The following MAP3K14 variants were observed in gnomAD, a reference collection of about 807,000 sequenced individuals.
The protein encoded by MAP3K14 is mitogen-activated protein kinase kinase kinase 14.
MAP3K14 carries 16 observed loss-of-function variants against 99.2 expected under a neutral mutation model. That is an observed-to-expected ratio of 0.16 (90% CI 0.11 to 0.24). MAP3K14 has a LOEUF of 0.24. MAP3K14 is among the 10% of genes least tolerant of loss of function. The pLI is 1.00. For missense variants in MAP3K14, 784 were observed against 1,208.7 expected, an observed-to-expected ratio of 0.65 and a Z score of 5.21; for synonymous variants, 462 against 492.4, an observed-to-expected ratio of 0.94 and a Z score of 0.82.
rs758188422 is a variant in MAP3K14 at position 45,267,506 on chromosome 17, G to C, written c.2226C>G (p.Pro742=). 6.2e-7 allele frequency: 1 copy of C among 1,612,968 alleles called. No individual in the cohort carries two copies. The highest frequency in any genetic ancestry group is 8.5e-7 in the Non-Finnish European group (1 of 1,179,420). Residue 742 remains proline (P), a synonymous_variant, in exon 12 of 16, where the codon CCC becomes CCG. Transcript: ENST00000344686. The surrounding 1 kb of genome is among the most constrained non-coding windows in gnomAD (Gnocchi z 5.1). ...LSKEESGMWE[P]LPLSSLEPAP... The stretch of plus-strand genomic sequence containing the variant: ...CTGGCTCCAGGGAGGACAGAGGTAA[G>C]GGTTCCCACATCCCAGACTCCTCCT...
At chr17:45,294,840 G>A (rs1360243002) in intron 1 of MAP3K14, among the ~76,000 whole-genome samples, 1 of 152,152 alleles carries the variant, frequency 6.6e-6, no homozygotes, top group African/African-American at 2.4e-5. Flanking sequence ...AGCAACATGT[G>A]GCTATTTACA....
rs1240265934 is a variant in MAP3K14, at chr17:45,267,049, C to T, written c.2433+43G>A. Reference sequence around the variant, plus strand: ...TTGCTCTGTGCCAGGGCCGGGAAAACCACACCCCTGGAGCCATGGCTCCGG... The same window carrying T: ...TTGCTCTGTGCCAGGGCCGGGAAAATCACACCCCTGGAGCCATGGCTCCGG... On this transcript the variant is annotated intron_variant, in intron 13 of 15. Coordinates refer to ENST00000344686, the MANE Select transcript of MAP3K14 (RefSeq NM_003954.5). This position sits in a 1 kb window ranked among gnomAD's most constrained non-coding sequence, Gnocchi z 5.1. 2 of 1,434,634 alleles carry T rather than the reference C, an allele frequency of 1.4e-6. No homozygotes were observed. The highest frequency in any genetic ancestry group is 1.9e-6 in the Non-Finnish European group (2 of 1,040,842). The allele number at this position is 1,434,634 out of a possible 1,614,324, so 88.9% of individuals were successfully genotyped here. A position where few individuals can be genotyped will look rare whatever the true frequency, so the allele number is the denominator to read the frequency against.
chr17:45,304,034 A>C (rs2044412543), intron 1 of MAP3K14, among the ~76,000 whole-genome samples: 1 of 121,746 alleles, frequency 8.2e-6, no homozygotes, highest in African/African-American at 3.2e-5. Flanking sequence ...TTTTTTTGAG[A>C]CGGAGTCTCG....
intron 3 of MAP3K14, among the ~76,000 whole-genome samples, chr17:45,289,013 G>T (rs2044289948): frequency 6.6e-6 from 1 of 152,232 alleles, no homozygotes; most frequent in Admixed American, 6.5e-5. Context: ...TCAAGTTGAT[G>T]TGGCCCAGAG....
intron 15 of MAP3K14, 70 bp from the exon 16 acceptor site, chr17:45,264,870 A>G: frequency 6.6e-7 from 1 of 1,512,926 alleles, no homozygotes. Flanking sequence ...AGGTAAAGAC[A>G]TCTCCTTCCA....
chr17:45,306,881 G>A (rs1194864705), intron 1 of MAP3K14, among the ~76,000 whole-genome samples: 2 of 152,214 alleles, frequency 1.3e-5, no homozygotes, highest in Non-Finnish European at 2.9e-5. Context: ...TGTCGGGCAA[G>A]GTAGTATTGA....
At chr17:45,287,780 C>T (rs2044279258) in intron 3 of MAP3K14, among the ~76,000 whole-genome samples, 1 of 152,126 alleles carries the variant, frequency 6.6e-6, no homozygotes, top group African/African-American at 2.4e-5. Flanking sequence ...AGGAGGGGGC[C>T]ACGCTCATGG....
chr17:45,288,379 GT>G lies in MAP3K14; in HGVS notation c.326+856del, dbSNP rs11410554. ...GGAGCTGTTTCTAGCTTGAACTCTTGTTTTTTTTTTTTTTTTTGAGACAGAA... is the reference window on the plus strand; with the variant it reads ...GGAGCTGTTTCTAGCTTGAACTCTTGTTTTTTTTTTTTTTTTGAGACAGAA... On this transcript the variant is annotated intron_variant, in intron 3 of 15. Coordinates refer to ENST00000344686, the MANE Select transcript of MAP3K14 (RefSeq NM_003954.5). 5.3e-3 allele frequency among the ~76,000 whole-genome samples: 715 copies of G among 135,780 alleles called. 3 individuals are homozygous for G. The highest frequency in any genetic ancestry group is 0.046 in the Middle Eastern group (12 of 262). The allele number at this position is 135,780 out of a possible 152,430, so 89.1% of individuals were successfully genotyped here. A position where few individuals can be genotyped will look rare whatever the true frequency, so the allele number is the denominator to read the frequency against.
chr17:45,287,371 C>A lies in MAP3K14; in HGVS notation c.327-7G>T, dbSNP rs17846855. On this transcript the variant is annotated splice_polypyrimidine_tract_variant and splice_region_variant and intron_variant, in intron 3 of 15. Transcript: ENST00000344686. ...ATCAAGACTCTCGGACTGGCTGTCA[C>A]AAAAGGGACAGATTTGCATATTGAG... is the stretch of plus-strand genomic sequence containing the variant. 0.046 allele frequency: 73,604 copies of A among 1,613,096 alleles called. 2,021 individuals carry two copies. The highest frequency in any genetic ancestry group is 0.1 in the East Asian group (4,571 of 44,868).
intron 1 of MAP3K14, among the ~76,000 whole-genome samples, chr17:45,306,320 A>C (rs1429866969): frequency 2.6e-5 from 4 of 152,116 alleles, no homozygotes; most frequent in African/African-American, 9.7e-5. Flanking sequence ...CTACTCCCAA[A>C]TGATCTAAGC....
At chr17:45,273,345 G>A (rs372333752) in intron 9 of MAP3K14, among the ~76,000 whole-genome samples, 158 bp downstream of exon 9, 1 of 152,300 alleles carries the variant, frequency 6.6e-6, no homozygotes, top group Admixed American at 6.5e-5. Flanking sequence ...ACATTTACGC[G>A]TAACAAAGAA....
intron 15 of MAP3K14, 104 bp from the exon 16 acceptor site, chr17:45,264,904 A>G: frequency 8.1e-7 from 1 of 1,229,060 alleles, no homozygotes; most frequent in South Asian, 1.5e-5. Context: ...CCCTAAGGGC[A>G]CTGCCTGTCT....
At chr17:45,278,245 A>C (rs2044194659) in intron 6 of MAP3K14, among the ~76,000 whole-genome samples, 1 of 152,020 alleles carries the variant, frequency 6.6e-6, no homozygotes, top group Non-Finnish European at 1.5e-5. Context: ...CCCAGACCAA[A>C]GAGGTGGGAG....
chr17:45,295,976 A>G (rs938392964), intron 1 of MAP3K14, among the ~76,000 whole-genome samples: 4 of 152,226 alleles, frequency 2.6e-5, no homozygotes, highest in South Asian at 2.1e-4. Flanking sequence ...ACGAAAGGGA[A>G]ATAAAACTCT....
intron 1 of MAP3K14, among the ~76,000 whole-genome samples, chr17:45,294,355 G>A (rs1199204664): frequency 6.6e-6 from 1 of 152,190 alleles, no homozygotes; most frequent in Admixed American, 6.5e-5. Flanking sequence ...GAGAAGCCTG[G>A]GGGATAGGAA....
At chr17:45,315,424 C>T (rs1362047818) in intron 1 of MAP3K14, among the ~76,000 whole-genome samples, 3 of 152,068 alleles carry the variant, frequency 2.0e-5, no homozygotes, top group African/African-American at 4.8e-5. Context: ...GAGTCAGAGA[C>T]GATTACTTTT....
chr17:45,278,778 C>G (rs2044198371), intron 6 of MAP3K14, among the ~76,000 whole-genome samples: 1 of 151,594 alleles, frequency 6.6e-6, no homozygotes, highest in Non-Finnish European at 1.5e-5. Context: ...TTCCCGGGCT[C>G]AAGCGATCCT....
At position 45,289,790 on chromosome 17, in the gene MAP3K14, C is replaced by T. The variant is rs191540426; in HGVS notation, c.257-485G>A. ...AAACCAACCAGGAGGAAGTGGGAGA[C>T]GAGGGCAGGATGTATGCGTGTGGAG... is the stretch of plus-strand genomic sequence containing the variant. On this transcript the variant is annotated intron_variant, in intron 2 of 15. Coordinates refer to ENST00000344686, the MANE Select transcript of MAP3K14 (RefSeq NM_003954.5). Among the ~76,000 whole-genome samples the T allele has an allele frequency of 3.5e-4, 54 of 152,262 alleles. No homozygotes were observed. The East Asian group carries it at 8.7e-3, about 24-fold the overall frequency.
At position 45,264,330 on chromosome 17, in the gene MAP3K14, G is replaced by A. The variant is rs2044049699; in HGVS notation, c.*306C>T. The stretch of plus-strand genomic sequence containing the variant: ...AGCAAATGGTCACTGATCCAAGCGG[G>A]TCAGGCCAACTCGACTGGAGCAGGG... On this transcript the variant is annotated 3_prime_UTR_variant, in exon 16 of 16. Coordinates refer to ENST00000344686, the MANE Select transcript of MAP3K14 (RefSeq NM_003954.5). 3.4e-6 allele frequency: 1 copy of A among 294,288 alleles called. No homozygotes were observed. Among genetic ancestry groups the A allele is most frequent in the African/African-American group, 2.2e-5 (1 of 45,698 alleles). 18.2% of individuals were successfully genotyped at this position (294,288 alleles called of 1,614,324 possible).
Sources: gnomAD v4.1 joint callset for allele counts (sites outside exome capture counted in the v4.1 genomes callset) on GRCh38, gnomAD v4.1.1 for gene constraint, Gnocchi (gnomAD v3.1) non-coding constraint, MANE v1.5 for transcripts, NCBI Gene and HGNC (gene_info 2026-07-23, HGNC 2026-07-21) for gene names.